Variants in MYO5A observed in about 807,000 individuals in gnomAD.
MYO5A encodes unconventional myosin-Va.
Under a neutral mutation model 249.7 loss-of-function variants are expected in MYO5A, and 98 were observed. The ratio of observed to expected loss-of-function variants is 0.39; its 90% CI spans 0.33 to 0.46. MYO5A has a LOEUF of 0.46. MYO5A is among the 20% of genes least tolerant of loss of function. The pLI is 0.98. For synonymous variants in MYO5A, 778 were observed against 810.6 expected (o/e 0.96, Z 0.68); for missense variants, 1,696 against 2,308.8 (o/e 0.73, Z 5.44).
chr15:52,345,605 TAAAG>T (rs2039584078), intron 30 of MYO5A, among the ~76,000 whole-genome samples: 2 of 150,004 alleles, frequency 1.3e-5, no homozygotes, highest in Non-Finnish European at 3.0e-5. Context: ...AAAAGAAAGA[TAAAG>T]AAAAGAAATA....
At chr15:52,364,389 G>T (rs1179341479) in intron 24 of MYO5A, among the ~76,000 whole-genome samples, 165 bp downstream of exon 24, 5 of 152,024 alleles carry the variant, frequency 3.3e-5, no homozygotes, top group Non-Finnish European at 7.4e-5. Context: ...CAATCCATTG[G>T]ATGGAGTGGG....
intron 1 of MYO5A, among the ~76,000 whole-genome samples, chr15:52,517,162 T>C (rs541991215): frequency 3.9e-5 from 6 of 152,304 alleles, no homozygotes; most frequent in East Asian, 3.9e-4. Context: ...GCAATGCACA[T>C]AAAGAGTGCT....
At chr15:52,486,877 C>T (rs1322628567) in intron 1 of MYO5A, among the ~76,000 whole-genome samples, 1 of 152,128 alleles carries the variant, frequency 6.6e-6, no homozygotes, top group Admixed American at 6.5e-5. Context: ...CGAGGACACA[C>T]CCATGTCATA....
chr15:52,493,492 G>A (rs954791130), intron 1 of MYO5A, among the ~76,000 whole-genome samples: 16 of 151,918 alleles, frequency 1.1e-4, no homozygotes, highest in Middle Eastern at 3.4e-3. Context: ...GTGAAACTCC[G>A]TTCTACTAAA....
Position 52,313,739 on chromosome 15 carries a change from T to C in MYO5A, c.5600A>G (p.Gln1867Arg). Residue 1867 changes from glutamine (Q) to arginine (R), a missense_variant, in exon 42 of 42, where the codon CAG (glutamine) becomes CGG (arginine). Around this residue, in one of 5 missense-constraint regions of MYO5A, gnomAD observed 625 missense variants for 908.1 expected, o/e 0.69. Transcript: ENST00000399233. ...GCCCAGGCCGAGGCTGGCTGGAATC[T>C]GGATGGTTTCTAGTGCGAGGGAAGA... The part of the protein sequence containing the change: ...NPSSLALETI[Q>R]IPASLGLGFI... The C allele has an allele frequency of 6.2e-7, 1 of 1,614,176 alleles. No homozygotes were observed. The highest frequency in any genetic ancestry group is 8.5e-7 in the Non-Finnish European group (1 of 1,180,030).
At chr15:52,390,929 C>T (rs1484567785) in intron 12 of MYO5A, among the ~76,000 whole-genome samples, 1 of 152,090 alleles carries the variant, frequency 6.6e-6, no homozygotes, top group Non-Finnish European at 1.5e-5. Context: ...TTTTTTTCAG[C>T]TTTGCAACAG....
chr15:52,415,993 C>T (rs1345301123), intron 5 of MYO5A, 152 bp downstream of exon 5: 1 of 936,878 alleles, frequency 1.1e-6, no homozygotes, highest in Non-Finnish European at 1.6e-6. Flanking sequence ...TTTTACTTTC[C>T]CTAGATTTTT....
intron 1 of MYO5A, among the ~76,000 whole-genome samples, chr15:52,504,064 T>TTC (rs2077213760): frequency 6.6e-6 from 1 of 151,698 alleles, no homozygotes; most frequent in Non-Finnish European, 1.5e-5. Flanking sequence ...CTTTTTTTTT[T>TTC]TTTTTTTTTG....
At chr15:52,494,758 G>A (rs1353742661) in intron 1 of MYO5A, among the ~76,000 whole-genome samples, 1 of 152,170 alleles carries the variant, frequency 6.6e-6, no homozygotes, top group Non-Finnish European at 1.5e-5. Context: ...CTCCCAAAGT[G>A]CTGGGAATAC....
intron 18 of MYO5A, among the ~76,000 whole-genome samples, chr15:52,377,814 G>T (rs1375551564): frequency 6.6e-6 from 1 of 151,468 alleles, no homozygotes; most frequent in Non-Finnish European, 1.5e-5. Flanking sequence ...CAAGCAGTCC[G>T]CCCGCCACGG....
chr15:52,321,039 A>G lies in MYO5A; in HGVS notation c.4951+320T>C, dbSNP rs552918184. Among the ~76,000 whole-genome samples the G allele has an allele frequency of 2.0e-5, 3 of 152,014 alleles. No individual in the cohort carries two copies. In the East Asian group the frequency reaches 5.8e-4, roughly 29 times the overall value. ...AAAAAAAAAAAAAGGGAGCCTGCTG[A>G]TAATTTGCTGGAAGATAACAATGTT... On this transcript the variant is annotated intron_variant, in intron 38 of 41. Transcript: ENST00000399233.
chr15:52,329,145 T>C (rs2038749757), intron 35 of MYO5A: 1 of 152,260 alleles, frequency 6.6e-6, no homozygotes, highest in Non-Finnish European at 1.5e-5. Flanking sequence ...TAAGAGTTCA[T>C]TAAACATTTG....
At chr15:52,504,054 C>CTCCTT (rs1555386579) in intron 1 of MYO5A, among the ~76,000 whole-genome samples, 8,742 of 122,628 alleles carry the variant, frequency 0.071, 855 homozygotes, top group African/African-American at 0.19. Context: ...GTTTCTCCTT[C>CTCCTT]TTTTTTTTTT....
At chr15:52,470,929 AG>A (rs2076451919) in intron 1 of MYO5A, among the ~76,000 whole-genome samples, 1 of 151,740 alleles carries the variant, frequency 6.6e-6, no homozygotes, top group East Asian at 1.9e-4. Context: ...AGGCTGAGAC[AG>A]GAGAACTGCT....
chr15:52,338,480 A>C (rs959806678), intron 32 of MYO5A, among the ~76,000 whole-genome samples: 91 of 152,280 alleles, frequency 6.0e-4, no homozygotes, highest in African/African-American at 2.1e-3. Flanking sequence ...CACTAAGCCC[A>C]GGTCTCCTGC....
At chr15:52,381,780 T>TCA (rs1194170840) in intron 16 of MYO5A, among the ~76,000 whole-genome samples, 1,098 of 74,530 alleles carry the variant, frequency 0.015, 7 homozygotes, top group African/African-American at 0.033. Context: ...TCTCTCTCTC[T>TCA]CTCACACACA....
intron 12 of MYO5A, among the ~76,000 whole-genome samples, chr15:52,389,872 T>C (rs2042141407): frequency 6.6e-6 from 1 of 152,146 alleles, no homozygotes; most frequent in Non-Finnish European, 1.5e-5. Context: ...GAGAATCCCT[T>C]GAACCTGGGA....
At chr15:52,404,965 C>A (rs1385963847) in intron 9 of MYO5A, among the ~76,000 whole-genome samples, 2 of 151,770 alleles carry the variant, frequency 1.3e-5, no homozygotes, top group African/African-American at 4.8e-5. Context: ...CTTTAACTTC[C>A]ATGAGTTTCT....
chr15:52,451,363 C>T (rs2076017058), intron 1 of MYO5A, among the ~76,000 whole-genome samples: 1 of 152,146 alleles, frequency 6.6e-6, no homozygotes, highest in Non-Finnish European at 1.5e-5. Flanking sequence ...CACTCTAATG[C>T]CAGAAATAGT....
Sources: allele counts gnomAD v4.1 joint callset (sites outside exome capture counted in the v4.1 genomes callset), GRCh38; gene constraint gnomAD v4.1.1; regional missense constraint gnomAD v4.1.1; transcripts MANE v1.5; gene names NCBI Gene and HGNC (gene_info 2026-07-23, HGNC 2026-07-21).